The following INAVA variants were observed in gnomAD, a reference collection of about 807,000 sequenced individuals.
INAVA encodes the protein innate immunity activator protein.
In INAVA, 32 loss-of-function variants were observed where a neutral mutation model predicts 55.3. That is an observed-to-expected ratio of 0.58 (90% CI 0.44 to 0.78). INAVA has a LOEUF of 0.78. Ranked by LOEUF, INAVA falls within the 30% of genes least tolerant of loss-of-function variation. The probability of loss-of-function intolerance (pLI) is 0.00; values close to 1 mark genes in which losing one functional copy is unlikely to be tolerated. For synonymous variants in INAVA, 294 were observed against 329.4 expected, an observed-to-expected ratio of 0.89 and a Z score of 1.16; for missense variants, 756 against 786.4, an observed-to-expected ratio of 0.96 and a Z score of 0.46.
chr1:200,909,313 G>A lies in INAVA; in HGVS notation c.875G>A (p.Gly292Asp). 1 of 1,612,406 alleles carries A rather than the reference G, an allele frequency of 6.2e-7. No homozygotes were observed. Among genetic ancestry groups the A allele is most frequent in the African/African-American group, 1.3e-5 (1 of 75,024 alleles). The change falls in exon 8 of 10, where the codon GGT (glycine) becomes GAT (aspartate). Residue 292 changes from glycine to aspartate, a missense_variant. This residue lies in a region of INAVA where 639 missense variants were observed against 624.3 expected (regional missense o/e 1.02). Coordinates refer to ENST00000413687, the MANE Select transcript of INAVA (RefSeq NM_001142569.3). ...PASYHVVPIR[G>D]VPGQWQGRTS... ...TCCTACCACGTGGTTCCCATCCGTG[G>A]TGTTCCTGGCCAGTGGCAGGGCCGC...
intron 5 of INAVA, among the ~76,000 whole-genome samples, chr1:200,907,355 T>C (rs773427570): frequency 2.0e-5 from 3 of 152,130 alleles, no homozygotes; most frequent in Non-Finnish European, 2.9e-5. Context: ...TCTACTTCCA[T>C]GTAGTAAGTT....
chr1:200,901,106 A>T lies in INAVA; in HGVS notation c.467A>T (p.Glu156Val). Residue 156 changes from glutamate (E) to valine (V), a missense_variant, in exon 5 of 10, where the codon GAG becomes GTG. Coordinates refer to ENST00000413687, the MANE Select transcript of INAVA (RefSeq NM_001142569.3). ...CAGGAGCTCCAGCGCTGCCTGGTCG[A>T]GCGGCGGCGCAATAGCGAGCCACCT... Reference protein sequence around the residue: ...KLQELQRCLVERRRNSEPPPA... With the variant: ...KLQELQRCLVVRRRNSEPPPA... 6.5e-7 allele frequency: 1 copy of T among 1,534,952 alleles called. No individual in the cohort carries two copies. Among genetic ancestry groups the T allele is most frequent in the South Asian group, 1.2e-5 (1 of 83,824 alleles).
At chr1:200,898,211 C>G in intron 1 of INAVA, 96 bp from the exon 2 acceptor site, 1 of 1,352,374 alleles carries the variant, frequency 7.4e-7, no homozygotes, top group South Asian at 1.3e-5. Context: ...ACAGTCCTCC[C>G]TTCCACTCCC....
upstream of INAVA, chr1:200,891,676 G>C: frequency 6.7e-7 from 1 of 1,487,300 alleles, no homozygotes; most frequent in African/African-American, 1.4e-5. Context: ...GGGGCAGGCG[G>C]GCGGCGCCAG....
At position 200,912,042 on chromosome 1, in the gene INAVA, C is replaced by G. The variant is rs763742600; in HGVS notation, c.1549C>G (p.Arg517Gly). The G allele has an allele frequency of 6.5e-6, 10 of 1,545,068 alleles. No homozygotes were observed. The highest frequency in any genetic ancestry group is 3.4e-4 in the Middle Eastern group (2 of 5,948). The change falls in exon 9 of 10, where the codon CGC (arginine) becomes GGC (glycine). Residue 517 changes from arginine (R) to glycine (G), a missense_variant. Transcript: ENST00000413687. ...WHERARLRST[R>G]PHSLDRQGAF... ...CGAGCGTGCACGCCTCCGGAGCACC[C>G]GCCCCCACTCACTGGACCGCCAAGG...
rs1473241417 is a variant in INAVA at position 200,911,503 on chromosome 1, C to T, written c.1010C>T (p.Pro337Leu). The change falls in exon 9 of 10, where the codon CCC (proline) becomes CTC (leucine). Residue 337 changes from proline to leucine, a missense_variant. This residue lies in a region of INAVA where 639 missense variants were observed against 624.3 expected (regional missense o/e 1.02). Transcript: ENST00000413687. ...GAGGGCCGAGGTCGCAGCGCCTTTC[C>T]CCGCCGCCGCCCCACTCACTACACG... The part of the protein sequence containing the change: ...GPEGRGRSAF[P>L]RRRPTHYTVT... The T allele has an allele frequency of 2.5e-6, 4 of 1,613,630 alleles. No homozygotes were observed. The highest frequency in any genetic ancestry group is 2.2e-5 in the South Asian group (2 of 91,054).
At chr1:200,893,601 G>A (rs1301026434), upstream of INAVA, among the ~76,000 whole-genome samples, 1 of 152,222 alleles carries the variant, frequency 6.6e-6, no homozygotes, top group Non-Finnish European at 1.5e-5. Flanking sequence ...AATGGGGCGG[G>A]GGGAGGAAGA....
At chr1:200,897,721 C>T (rs986882083) in intron 1 of INAVA, among the ~76,000 whole-genome samples, 1 of 152,072 alleles carries the variant, frequency 6.6e-6, no homozygotes, top group Non-Finnish European at 1.5e-5. Context: ...CTTGACTTCT[C>T]CAGGCTCAGG....
Position 200,911,494 on chromosome 1 carries a change from G to A in INAVA, c.1001G>A (p.Ser334Asn). ...FRAGPEGRGRSAFPRRRPTHY... is the reference protein window; with the variant it reads ...FRAGPEGRGRNAFPRRRPTHY... ...GCGGGTCCTGAGGGCCGAGGTCGCAGCGCCTTTCCCCGCCGCCGCCCCACT... is the reference window on the plus strand; with the variant it reads ...GCGGGTCCTGAGGGCCGAGGTCGCAACGCCTTTCCCCGCCGCCGCCCCACT... Residue 334 changes from serine to asparagine, a missense_variant, in exon 9 of 10, where the codon AGC becomes AAC. Around this residue, in one of 2 missense-constraint regions of INAVA, gnomAD observed 639 missense variants for 624.3 expected, o/e 1.02. Transcript: ENST00000413687. 2 of 1,613,626 alleles carry A rather than the reference G, an allele frequency of 1.2e-6. No homozygotes were observed. The highest frequency in any genetic ancestry group is 2.2e-5 in the East Asian group (1 of 44,860).
In INAVA at chr1:200,898,158, A is replaced by C. The variant is rs1358410996; in HGVS notation, c.-94-149A>C. 6.3e-6 allele frequency: 5 copies of C among 791,722 alleles called. No individual in the cohort carries two copies. The South Asian group carries it at 9.0e-5, about 14-fold the overall frequency. The allele number at this position is 791,722 out of a possible 1,614,324, so 49.0% of individuals were successfully genotyped here. On this transcript the variant is annotated intron_variant, in intron 1 of 9. Coordinates refer to ENST00000413687, the MANE Select transcript of INAVA (RefSeq NM_001142569.3). ...CCCACAGCCCCTTCTCTAGGTCAGC[A>C]CCCCCAGTGCCAGAATCTCCTGCCC...
intron 5 of INAVA, among the ~76,000 whole-genome samples, chr1:200,905,298 C>G (rs1197389891): frequency 6.6e-6 from 1 of 152,164 alleles, no homozygotes; most frequent in African/African-American, 2.4e-5. Context: ...GTAATCCCAG[C>G]ACTTTGGGAG....
At chr1:200,900,249 C>T (rs1653182296) in intron 4 of INAVA, 29 bp downstream of exon 4, 1 of 1,582,240 alleles carries the variant, frequency 6.3e-7, no homozygotes, top group Non-Finnish European at 8.7e-7. Flanking sequence ...CTGCCAGTAC[C>T]CCTCGATCCC....
Position 200,899,513 on chromosome 1 carries a change from T to C in INAVA, c.96T>C (p.His32=), listed in dbSNP as rs1653135863. Residue 32 remains histidine, a synonymous_variant, in exon 3 of 10, where the codon CAT becomes CAC. Coordinates refer to ENST00000413687, the MANE Select transcript of INAVA (RefSeq NM_001142569.3). ...SPVSPMKELT[H]AVHKQQRALE... is the part of the protein sequence containing the mutation. ...TCTCCCCAATGAAGGAGCTGACCCA[T>C]GCAGTGCACAAGCAGCAGAGGGCCC... 6.2e-7 allele frequency: 1 copy of C among 1,613,870 alleles called. No individual in the cohort carries two copies. The highest frequency in any genetic ancestry group is 1.7e-5 in the Admixed American group (1 of 59,992).
At chr1:200,897,697 T>A (rs752024909) in intron 1 of INAVA, among the ~76,000 whole-genome samples, 5 of 151,962 alleles carry the variant, frequency 3.3e-5, no homozygotes, top group African/African-American at 4.8e-5. Context: ...GGCGTGAACA[T>A]GGCTCACTGC....
intron 1 of INAVA, among the ~76,000 whole-genome samples, chr1:200,896,758 T>TC (rs1668360138): frequency 6.6e-6 from 1 of 152,204 alleles, no homozygotes; most frequent in Non-Finnish European, 1.5e-5. Flanking sequence ...CTGACAGCAG[T>TC]CCCCTCTCCC....
At position 200,908,373 on chromosome 1, in the gene INAVA, A is replaced by G. The variant is rs567731424; in HGVS notation, c.575-357A>G. On this transcript the variant is annotated intron_variant, in intron 6 of 9. Coordinates refer to ENST00000413687, the MANE Select transcript of INAVA (RefSeq NM_001142569.3). ...GCCCAGGGGAGTGCCCAAGCCAATA[A>G]GGAAATAAATAGGCCATATGGGCAT... The G allele has an allele frequency of 4.5e-4, 97 of 215,478 alleles. No individual in the cohort carries two copies. The Admixed American group carries it at 5.3e-3, about 12-fold the overall frequency. The allele number at this position is 215,478 out of a possible 1,614,324, so 13.3% of individuals were successfully genotyped here.
At chr1:200,899,333 C>A in intron 2 of INAVA, 140 bp from the exon 3 acceptor site, 1 of 1,279,912 alleles carries the variant, frequency 7.8e-7, no homozygotes, top group Non-Finnish European at 1.1e-6. Context: ...AGCAGCCAGC[C>A]TGCAATTTGT....
intron 2 of INAVA, among the ~76,000 whole-genome samples, chr1:200,898,930 G>A (rs1403268018): frequency 6.6e-6 from 1 of 152,160 alleles, no homozygotes; most frequent in East Asian, 1.9e-4. Context: ...AGTGAGCCGA[G>A]ATCGCGGCAT....
Position 200,900,112 on chromosome 1 carries a change from G to T in INAVA, c.189G>T (p.Thr63=), listed in dbSNP as rs773426005. 2 of 1,612,234 alleles carry T rather than the reference G, an allele frequency of 1.2e-6. No individual in the cohort carries two copies. Among genetic ancestry groups the T allele is most frequent in the Admixed American group, 3.3e-5 (2 of 59,824 alleles). Residue 63 remains threonine (T), a synonymous_variant, in exon 4 of 10, where the codon ACG becomes ACT. Transcript: ENST00000413687. Reference sequence around the variant, plus strand: ...CTCTGCTTCCTCCCCAGGAGCTGACGGGCACCTTGCCAGCGGAGTATCCCC... The same window carrying T: ...CTCTGCTTCCTCCCCAGGAGCTGACTGGCACCTTGCCAGCGGAGTATCCCC... ...RRLCLREAEL[T]GTLPAEYPLK...
Sources: allele counts gnomAD v4.1 joint callset (sites outside exome capture counted in the v4.1 genomes callset), GRCh38; gene constraint gnomAD v4.1.1; regional missense constraint gnomAD v4.1.1; transcripts MANE v1.5; gene names NCBI Gene and HGNC (gene_info 2026-07-23, HGNC 2026-07-21).